The following PPP2R3C variants were observed in gnomAD, a reference collection of about 807,000 sequenced individuals.
PPP2R3C encodes the protein serine/threonine-protein phosphatase 2A regulatory subunit B'' subunit gamma.
Under a neutral mutation model 63.7 loss-of-function variants are expected in PPP2R3C, and 47 were observed. The observed-to-expected ratio is 0.74, with a 90% CI of 0.58 to 0.94. The LOEUF (loss-of-function observed/expected upper bound fraction) is 0.94. Among genes scored for constraint, PPP2R3C ranks in the 40% least tolerant of loss-of-function variants. The pLI is 0.00. For missense variants in PPP2R3C, 421 were observed against 518.4 expected (o/e 0.81, Z 1.82); for synonymous variants, 180 against 177.4 (o/e 1.01, Z -0.12).
upstream of PPP2R3C, chr14:35,122,172 CTA>C (rs1000493206): frequency 5.2e-6 from 3 of 572,496 alleles, no homozygotes; most frequent in African/African-American, 3.7e-5. Flanking sequence ...GGGGAAAAAA[CTA>C]TGAAAGAGAT....
chr14:35,096,971 T>C (rs924580425), intron 7 of PPP2R3C, among the ~76,000 whole-genome samples: 1 of 152,186 alleles, frequency 6.6e-6, no homozygotes, highest in Admixed American at 6.5e-5. Flanking sequence ...TCCAGCACTT[T>C]GGGAAGCTGA....
intron 2 of PPP2R3C, among the ~76,000 whole-genome samples, chr14:35,111,015 GAT>G (rs1457067402): frequency 1.6e-3 from 243 of 152,168 alleles, no homozygotes; most frequent in Middle Eastern, 3.4e-3. Flanking sequence ...GAGGCAGGCG[GAT>G]CATGAAGTCA....
At chr14:35,105,470 C>T (rs971544844) in intron 6 of PPP2R3C, among the ~76,000 whole-genome samples, 2 of 151,670 alleles carry the variant, frequency 1.3e-5, no homozygotes, top group African/African-American at 2.4e-5. Flanking sequence ...CATGAGCCAC[C>T]GCGCCCAGCC....
Position 35,096,708 on chromosome 14 carries a change from C to T in PPP2R3C, c.762+1G>A. On this transcript the variant is annotated splice_donor_variant, in intron 8 of 12. Transcript: ENST00000261475. LOFTEE classifies it high-confidence loss of function. Reference sequence around the variant, plus strand: ...CAATTAAGTAGTTTAAAAACATTTACCTCCAATAAATCATCTAGGAAGCTG... The same window carrying T: ...CAATTAAGTAGTTTAAAAACATTTATCTCCAATAAATCATCTAGGAAGCTG... 2.5e-6 allele frequency: 4 copies of T among 1,603,760 alleles called. No homozygotes were observed. Among genetic ancestry groups the T allele is most frequent in the Non-Finnish European group, 3.4e-6 (4 of 1,175,150 alleles).
At chr14:35,103,988 T>C (rs542824451) in intron 6 of PPP2R3C, among the ~76,000 whole-genome samples, 40 of 152,312 alleles carry the variant, frequency 2.6e-4, no homozygotes, top group African/African-American at 8.9e-4. Context: ...TAAAAACAAC[T>C]ATAGAAGTAC....
chr14:35,099,192 T>C lies in PPP2R3C; in HGVS notation c.706+60A>G, dbSNP rs1405863421. On this transcript the variant is annotated intron_variant, in intron 7 of 12. Transcript: ENST00000261475. Reference sequence around the variant, plus strand: ...ATTTTTCAAGAGTTTTCTCTAGTTATTGAGATTTAGATATAATAATATCCT... The same window carrying C: ...ATTTTTCAAGAGTTTTCTCTAGTTACTGAGATTTAGATATAATAATATCCT... The C allele has an allele frequency of 3.6e-6, 5 of 1,401,782 alleles. No individual in the cohort carries two copies. The African/African-American group carries it at 6.0e-5, about 17-fold the overall frequency. 86.8% of individuals were successfully genotyped at this position (1,401,782 alleles called of 1,614,324 possible). A position where few individuals can be genotyped will look rare whatever the true frequency, so the allele number is the denominator to read the frequency against.
chr14:35,107,301 T>G lies in PPP2R3C; in HGVS notation c.573+3A>C, dbSNP rs532327879. On this transcript the variant is annotated splice_donor_region_variant and intron_variant, in intron 6 of 12. Coordinates refer to ENST00000261475, the MANE Select transcript of PPP2R3C (RefSeq NM_017917.4). ...ATATAATATCTATAAGGTTAACACT[T>G]ACAGATTCCCGAAGGTACCCCTGCC... 1.9e-6 allele frequency: 3 copies of G among 1,587,532 alleles called. No homozygotes were observed. In the South Asian group the frequency reaches 3.3e-5, roughly 18 times the overall value.
At chr14:35,120,190 G>A (rs1468639959) in intron 1 of PPP2R3C, among the ~76,000 whole-genome samples, 1 of 151,410 alleles carries the variant, frequency 6.6e-6, no homozygotes, top group Admixed American at 6.6e-5. Flanking sequence ...ACTAACTGTG[G>A]GGTTGTGGGG....
chr14:35,096,659 G>C (rs924456270), intron 8 of PPP2R3C, 26 bp from the exon 9 acceptor site: 1 of 1,610,342 alleles, frequency 6.2e-7, no homozygotes, highest in South Asian at 1.1e-5. Flanking sequence ...GACATAATTA[G>C]AAGATAGCAA....
intron 9 of PPP2R3C, among the ~76,000 whole-genome samples, 161 bp downstream of exon 9, chr14:35,096,397 G>A (rs527544100): frequency 2.8e-4 from 43 of 152,182 alleles, no homozygotes; most frequent in African/African-American, 9.6e-4. Flanking sequence ...TAAAACATCG[G>A]TATTTAAACA....
chr14:35,101,147 T>C (rs2046176877), intron 6 of PPP2R3C: 2 of 152,168 alleles, frequency 1.3e-5, no homozygotes, highest in Admixed American at 1.3e-4. Context: ...GGCTAATTTT[T>C]TGTATTTTTA....
rs1004047802 is a variant in PPP2R3C, at chr14:35,116,834, G to A, written c.59-97C>T. The A allele has an allele frequency of 9.0e-5, 92 of 1,027,754 alleles. No individual in the cohort carries two copies. In the Middle Eastern group the frequency reaches 1.4e-3, roughly 16 times the overall value. 63.7% of individuals were successfully genotyped at this position (1,027,754 alleles called of 1,614,324 possible). A position where few individuals can be genotyped will look rare whatever the true frequency, so the allele number is the denominator to read the frequency against. On this transcript the variant is annotated intron_variant, in intron 1 of 12. Coordinates refer to ENST00000261475, the MANE Select transcript of PPP2R3C (RefSeq NM_017917.4). ...TTATATTAATAGTTTAATTAAAATA[G>A]TTGCAGTGCCAAAAAGGCCTTCACA...
At chr14:35,110,459 G>C in intron 3 of PPP2R3C, 66 bp downstream of exon 3, 2 of 1,098,536 alleles carry the variant, frequency 1.8e-6, no homozygotes, top group Non-Finnish European at 2.7e-6. Flanking sequence ...AAGAAATCCT[G>C]CATGATTTAA....
At chr14:35,111,235 C>CAAA (rs3058398) in intron 2 of PPP2R3C, among the ~76,000 whole-genome samples, 198 of 89,502 alleles carry the variant, frequency 2.2e-3, no homozygotes, top group Non-Finnish European at 2.9e-3. Flanking sequence ...CTCCATCTAC[C>CAAA]AAAAAAAAAA....
At chr14:35,088,302 A>G (rs993611091) in intron 11 of PPP2R3C, among the ~76,000 whole-genome samples, 1 of 152,206 alleles carries the variant, frequency 6.6e-6, no homozygotes, top group African/African-American at 2.4e-5. Context: ...ATGTTCTCCA[A>G]CCTCAAACAG....
chr14:35,089,860 T>G (rs943804059), intron 11 of PPP2R3C, among the ~76,000 whole-genome samples: 1 of 142,480 alleles, frequency 7.0e-6, no homozygotes, highest in Admixed American at 7.1e-5. Flanking sequence ...TAGAGATGGG[T>G]TTCACCATGT....
chr14:35,116,422 T>A (rs1187595465), intron 2 of PPP2R3C, among the ~76,000 whole-genome samples, 188 bp downstream of exon 2: 1 of 152,074 alleles, frequency 6.6e-6, no homozygotes, highest in Admixed American at 6.6e-5. Flanking sequence ...CAGCTATTTT[T>A]TAAAAAATTT....
At chr14:35,101,493 G>A (rs1353776785) in intron 6 of PPP2R3C, 1 of 152,092 alleles carries the variant, frequency 6.6e-6, no homozygotes, top group Middle Eastern at 3.2e-3. Context: ...TATTCAAATG[G>A]CTAATAAGCT....
rs150177830 is a variant in PPP2R3C at position 35,107,153 on chromosome 14, T to C, written c.573+151A>G. ...AAGTGTACAAGTTGCTTTGTTACAGTAAAACTAAATATGTACACACAAACA... is the reference window on the plus strand; with the variant it reads ...AAGTGTACAAGTTGCTTTGTTACAGCAAAACTAAATATGTACACACAAACA... On this transcript the variant is annotated intron_variant, in intron 6 of 12. Transcript: ENST00000261475. The C allele has an allele frequency of 1.1e-3, 576 of 501,540 alleles. 3 individuals carry two copies. Among genetic ancestry groups the C allele is most frequent in the East Asian group, 7.8e-3 (244 of 31,438 alleles). 31.1% of individuals were successfully genotyped at this position (501,540 alleles called of 1,614,324 possible).
Sources: allele counts gnomAD v4.1 joint callset (sites outside exome capture counted in the v4.1 genomes callset), GRCh38; gene constraint gnomAD v4.1.1; transcripts MANE v1.5; gene names NCBI Gene and HGNC (gene_info 2026-07-23, HGNC 2026-07-21).